GIPC2: variants seen among roughly 807,000 people sequenced by gnomAD.
GIPC2 encodes PDZ domain-containing protein GIPC2.
In GIPC2, 30 loss-of-function variants were observed where a neutral mutation model predicts 30.6. That is an observed-to-expected ratio of 0.98 (90% CI 0.73 to 1.33). The LOEUF (loss-of-function observed/expected upper bound fraction) is 1.33. Ranked by LOEUF, GIPC2 falls within the 40% of genes most tolerant of loss-of-function variation. GIPC2 has a pLI of 0.00. For synonymous variants in GIPC2, 167 were observed against 150.0 expected (o/e 1.11, Z -0.83); for missense variants, 414 against 390.3 (o/e 1.06, Z -0.51).
intron 3 of GIPC2, among the ~76,000 whole-genome samples, chr1:78,107,215 G>C (rs973735700): frequency 6.6e-6 from 1 of 151,912 alleles, no homozygotes; most frequent in African/African-American, 2.4e-5. Context: ...GTGGAGTGCA[G>C]TAGTGCAGTC....
chr1:78,128,117 C>T (rs970034902), intron 5 of GIPC2, among the ~76,000 whole-genome samples: 7 of 152,300 alleles, frequency 4.6e-5, no homozygotes, highest in African/African-American at 1.7e-4. Context: ...ATGCTTTTAT[C>T]CTCTGTGCAG....
At position 78,080,778 on chromosome 1, in the gene GIPC2, A is replaced by G. The variant is rs139333744; in HGVS notation, c.344A>G (p.Glu115Gly). 87 of 1,610,064 alleles carry G rather than the reference A, an allele frequency of 5.4e-5. No individual in the cohort carries two copies. In the African/African-American group the frequency reaches 9.1e-4, roughly 17 times the overall value. The change falls in exon 2 of 6, where the codon GAA becomes GGA. Residue 115 changes from glutamate (E) to glycine (G), a missense_variant. Transcript: ENST00000370759. ...ATATTTGCCCATGTGAAAGGAATCG[A>G]AAAAGAAGTGAATGTGTATAAATCT... ...DFIFAHVKGI[E>G]KEVNVYKSED...
At chr1:78,074,148 A>G (rs966622671) in intron 1 of GIPC2, among the ~76,000 whole-genome samples, 5 of 152,248 alleles carry the variant, frequency 3.3e-5, no homozygotes, top group African/African-American at 9.6e-5. Flanking sequence ...GCTTTCAAGC[A>G]TAAGTATAAA....
intron 3 of GIPC2, 82 bp downstream of exon 3, chr1:78,095,214 A>G: frequency 1.1e-6 from 1 of 893,992 alleles, no homozygotes; most frequent in Non-Finnish European, 1.8e-6. Flanking sequence ...GTACTGTGAT[A>G]TGGTGCTATG....
chr1:78,093,759 G>C (rs936619860), intron 2 of GIPC2, among the ~76,000 whole-genome samples: 2 of 152,072 alleles, frequency 1.3e-5, no homozygotes, highest in African/African-American at 4.8e-5. Context: ...AGCCACTCCT[G>C]ATATTGCTAT....
intron 3 of GIPC2, among the ~76,000 whole-genome samples, chr1:78,100,183 C>G (rs543962259): frequency 6.6e-6 from 1 of 152,258 alleles, no homozygotes; most frequent in Non-Finnish European, 1.5e-5. Flanking sequence ...TGCCTGTAGG[C>G]ATGAAGAGAA....
intron 1 of GIPC2, among the ~76,000 whole-genome samples, chr1:78,079,910 C>T (rs1180218848): frequency 6.6e-6 from 1 of 152,076 alleles, no homozygotes; most frequent in Non-Finnish European, 1.5e-5. Flanking sequence ...AACTTTTCAC[C>T]ATTTGGTTTC....
intron 5 of GIPC2, among the ~76,000 whole-genome samples, chr1:78,128,007 A>G (rs1309363166): frequency 1.3e-5 from 2 of 152,200 alleles, no homozygotes; most frequent in East Asian, 3.9e-4. Context: ...AACTTTTAAA[A>G]TAAAATTTCT....
intron 1 of GIPC2, among the ~76,000 whole-genome samples, chr1:78,060,879 T>C (rs140143357): frequency 2.7e-5 from 4 of 150,186 alleles, no homozygotes; most frequent in Non-Finnish European, 4.5e-5. Flanking sequence ...GTGTGGGGGG[T>C]ATATCCCCCC....
chr1:78,085,008 C>T (rs1661901462), intron 2 of GIPC2, among the ~76,000 whole-genome samples: 1 of 152,084 alleles, frequency 6.6e-6, no homozygotes, highest in Admixed American at 6.5e-5. Context: ...GCATATTTGT[C>T]TTGTGCTGGT....
At chr1:78,086,760 T>A (rs1208219964) in intron 2 of GIPC2, among the ~76,000 whole-genome samples, 3 of 152,224 alleles carry the variant, frequency 2.0e-5, no homozygotes, top group Non-Finnish European at 4.4e-5. Flanking sequence ...TTGCAGCCCC[T>A]GCTTTTTTTT....
At chr1:78,069,475 CTTT>C (rs1167457025) in intron 1 of GIPC2, among the ~76,000 whole-genome samples, 2 of 127,276 alleles carry the variant, frequency 1.6e-5, no homozygotes, top group Non-Finnish European at 1.7e-5. Context: ...CCCTGTAGTA[CTTT>C]TTTTTTTTTT....
chr1:78,105,288 ATTT>A (rs1288336378), intron 3 of GIPC2, among the ~76,000 whole-genome samples: 7 of 140,468 alleles, frequency 5.0e-5, no homozygotes, highest in East Asian at 2.0e-4. Context: ...TGTAACTGTA[ATTT>A]TTTTTTTTTT....
At chr1:78,115,241 C>A (rs1262530386) in intron 3 of GIPC2, among the ~76,000 whole-genome samples, 1 of 151,896 alleles carries the variant, frequency 6.6e-6, no homozygotes, top group Non-Finnish European at 1.5e-5. Flanking sequence ...ACCAAACTTA[C>A]AAGAGACACT....
At chr1:78,091,890 C>G in intron 2 of GIPC2, 2 of 787,756 alleles carry the variant, frequency 2.5e-6, no homozygotes, top group Non-Finnish European at 4.7e-6. Flanking sequence ...GTTGCTGATT[C>G]TGAAGCTACA....
chr1:78,053,791 G>C (rs1661240197), intron 1 of GIPC2, among the ~76,000 whole-genome samples: 1 of 147,944 alleles, frequency 6.8e-6, no homozygotes, highest in Non-Finnish European at 1.5e-5. Flanking sequence ...ATTAGCCAGA[G>C]GTGGTGGTAC....
At chr1:78,082,722 A>G (rs1313048537) in intron 2 of GIPC2, among the ~76,000 whole-genome samples, 2 of 152,242 alleles carry the variant, frequency 1.3e-5, no homozygotes, top group Non-Finnish European at 2.9e-5. Flanking sequence ...AGGAGAAAGC[A>G]AGGCATAATC....
rs781542042 is a variant in GIPC2, at chr1:78,094,968, G to A, written c.443G>A (p.Gly148Asp). Reference protein sequence around the residue: ...YAFIKRIKDGGVIDSVKTICV... With the variant: ...YAFIKRIKDGDVIDSVKTICV... ...TCCTTTCAGAGAATTAAAGATGGTG[G>A]TGTTATTGACTCAGTTAAAACAATC... The change falls in exon 3 of 6, where the codon GGT (glycine) becomes GAT (aspartate). Residue 148 changes from glycine (G) to aspartate (D), a missense_variant. Transcript: ENST00000370759. 3.8e-6 allele frequency: 6 copies of A among 1,591,214 alleles called. No homozygotes were observed. The African/African-American group carries it at 8.1e-5, about 21-fold the overall frequency.
intron 1 of GIPC2, among the ~76,000 whole-genome samples, chr1:78,058,223 T>A (rs569646346): frequency 2.7e-4 from 41 of 152,228 alleles, no homozygotes; most frequent in African/African-American, 8.2e-4. Context: ...CCTCATCTGT[T>A]AAGTGGGGTT....
Sources: allele counts gnomAD v4.1 joint callset (sites outside exome capture counted in the v4.1 genomes callset), GRCh38; gene constraint gnomAD v4.1.1; transcripts MANE v1.5; gene names NCBI Gene and HGNC (gene_info 2026-07-23, HGNC 2026-07-21).